Variants in DIP2B observed in about 807,000 individuals in gnomAD.
DIP2B encodes the protein DIP2 acetate--CoA ligase B (putative), also known as disco-interacting protein 2 homolog B.
Under a neutral mutation model 198.0 loss-of-function variants are expected in DIP2B, and 76 were observed. The ratio of observed to expected loss-of-function variants is 0.38; its 90% CI spans 0.32 to 0.46. The LOEUF is 0.46. Among genes scored for constraint, DIP2B ranks in the 20% least tolerant of loss-of-function variants. DIP2B has a pLI of 0.99. For missense variants in DIP2B, 1,559 were observed against 1,978.4 expected (o/e 0.79, Z 4.02); for synonymous variants, 701 against 739.1 (o/e 0.95, Z 0.84).
chr12:50,546,607 TAGG>T (rs1958379730), intron 1 of DIP2B, among the ~76,000 whole-genome samples: 1 of 152,208 alleles, frequency 6.6e-6, no homozygotes, highest in South Asian at 2.1e-4. Context: ...ATCTGGAAAA[TAGG>T]AGGTCACATT....
At chr12:50,697,993 C>T (rs1305256262) in intron 17 of DIP2B, among the ~76,000 whole-genome samples, 1 of 152,150 alleles carries the variant, frequency 6.6e-6, no homozygotes, top group Non-Finnish European at 1.5e-5. Flanking sequence ...CTCCCAGGCT[C>T]AGATGGTTCT....
At chr12:50,719,324 C>T (rs1286593675) in intron 25 of DIP2B, among the ~76,000 whole-genome samples, 2 of 152,168 alleles carry the variant, frequency 1.3e-5, no homozygotes, top group African/African-American at 4.8e-5. Flanking sequence ...CATAGATACA[C>T]AGATGTTCAC....
intron 30 of DIP2B, among the ~76,000 whole-genome samples, chr12:50,730,381 T>C (rs1156699798): frequency 3.5e-5 from 2 of 57,490 alleles, no homozygotes; most frequent in Non-Finnish European, 1.5e-4. Context: ...TCTCTCTCTC[T>C]CTTTTTTTTT....
intron 8 of DIP2B, chr12:50,679,861 T>G (rs1939008025): frequency 6.6e-6 from 1 of 152,246 alleles, no homozygotes; most frequent in Admixed American, 6.5e-5. Context: ...TTTAATCATT[T>G]GAGTCATGTT....
intron 2 of DIP2B, among the ~76,000 whole-genome samples, chr12:50,630,663 C>CTTTCTTTTTT (rs766236986): frequency 1.3e-5 from 1 of 74,574 alleles, no homozygotes; most frequent in Admixed American, 1.7e-4. Context: ...TCTTTCTTTT[C>CTTTCTTTTTT]TTTTTTTTTT....
chr12:50,511,731 C>G (rs569415313), intron 1 of DIP2B, among the ~76,000 whole-genome samples: 1 of 151,884 alleles, frequency 6.6e-6, no homozygotes, highest in East Asian at 2.0e-4. Flanking sequence ...GGGCGGATCA[C>G]AAGGTCAAGA....
chr12:50,651,818 G>A (rs140523934), intron 3 of DIP2B, among the ~76,000 whole-genome samples: 189 of 152,090 alleles, frequency 1.2e-3, no homozygotes, highest in African/African-American at 4.4e-3. Context: ...GATTCTCCCC[G>A]CTCAGCCTCC....
intron 4 of DIP2B, among the ~76,000 whole-genome samples, chr12:50,660,927 G>C (rs997361927): frequency 3.9e-5 from 6 of 152,070 alleles, no homozygotes; most frequent in African/African-American, 1.4e-4. Context: ...AGATCAGTGA[G>C]AACTAGGTAT....
intron 21 of DIP2B, among the ~76,000 whole-genome samples, chr12:50,707,880 C>G (rs1939542601): frequency 6.6e-6 from 1 of 152,108 alleles, no homozygotes; most frequent in Admixed American, 6.5e-5. Flanking sequence ...TGACCTCTCT[C>G]CCTCCCGGTC....
chr12:50,631,904 A>G (rs1746649865), intron 2 of DIP2B, among the ~76,000 whole-genome samples: 1 of 152,112 alleles, frequency 6.6e-6, no homozygotes, highest in Admixed American at 6.5e-5. Flanking sequence ...TATGTTATAT[A>G]CATTCCATGT....
At chr12:50,576,760 C>A (rs1958665523) in intron 1 of DIP2B, among the ~76,000 whole-genome samples, 1 of 152,054 alleles carries the variant, frequency 6.6e-6, no homozygotes, top group South Asian at 2.1e-4. Context: ...GGATTACAGG[C>A]GTGAGCTACC....
intron 1 of DIP2B, among the ~76,000 whole-genome samples, chr12:50,535,043 A>G (rs1466355144): frequency 1.3e-5 from 2 of 152,018 alleles, no homozygotes; most frequent in Non-Finnish European, 2.9e-5. Flanking sequence ...AGCTTGGGCA[A>G]GATGGTGAAG....
chr12:50,523,160 C>T (rs1303548741), intron 1 of DIP2B, among the ~76,000 whole-genome samples: 1 of 152,062 alleles, frequency 6.6e-6, no homozygotes, highest in Non-Finnish European at 1.5e-5. Context: ...CCGGGACTCC[C>T]CTCAGTTACC....
chr12:50,721,230 C>T, intron 25 of DIP2B, 43 bp from the exon 26 acceptor site: 1 of 1,601,182 alleles, frequency 6.2e-7, no homozygotes, highest in African/African-American at 1.3e-5. Flanking sequence ...CTGTTTATTT[C>T]CTTTCTGAGC....
At chr12:50,633,027 C>T (rs1565851947) in intron 2 of DIP2B, among the ~76,000 whole-genome samples, 1 of 152,002 alleles carries the variant, frequency 6.6e-6, no homozygotes, top group East Asian at 1.9e-4. Flanking sequence ...GATCCTTCTG[C>T]CTCAGCCTCC....
At chr12:50,722,685 C>T (rs1183659726) in intron 26 of DIP2B, among the ~76,000 whole-genome samples, 1 of 152,164 alleles carries the variant, frequency 6.6e-6, no homozygotes, top group African/African-American at 2.4e-5. Flanking sequence ...TGAGAGGCCA[C>T]GGGGAAGGAC....
At chr12:50,734,043 T>C in intron 32 of DIP2B, 92 bp from the exon 33 acceptor site, 3 of 1,412,640 alleles carry the variant, frequency 2.1e-6, no homozygotes, top group Non-Finnish European at 3.0e-6. Flanking sequence ...GTGTGGATTT[T>C]TCATGTATAT....
chr12:50,605,201 T>A (rs148616319), intron 1 of DIP2B, among the ~76,000 whole-genome samples: 339 of 152,276 alleles, frequency 2.2e-3, no homozygotes, highest in African/African-American at 7.6e-3. Flanking sequence ...ATATACCAAT[T>A]TAATATATAA....
chr12:50,708,151 C>G (rs764087533), intron 21 of DIP2B, among the ~76,000 whole-genome samples: 1 of 151,878 alleles, frequency 6.6e-6, no homozygotes, highest in Non-Finnish European at 1.5e-5. Context: ...TATATTGCAA[C>G]ATGGCATTAT....
Sources: gnomAD v4.1 joint callset for allele counts (sites outside exome capture counted in the v4.1 genomes callset) on GRCh38, gnomAD v4.1.1 for gene constraint, MANE v1.5 for transcripts, NCBI Gene and HGNC (gene_info 2026-07-23, HGNC 2026-07-21) for gene names.